NLGN4X: variants seen among roughly 807,000 people sequenced by gnomAD.
The protein encoded by NLGN4X is neuroligin 4 X-linked.
Under a neutral mutation model 40.3 loss-of-function variants are expected in NLGN4X, and 3 were observed. The ratio of observed to expected loss-of-function variants is 0.07; its 90% confidence interval spans 0.03 to 0.19. The LOEUF is 0.19. Ranked by LOEUF, NLGN4X falls within the 10% of genes least tolerant of loss-of-function variation. NLGN4X has a pLI of 1.00. For synonymous variants in NLGN4X, 270 were observed against 306.8 expected (o/e 0.88, Z 1.25); for missense variants, 382 against 708.3 (o/e 0.54, Z 5.23).
rs749574818 is a variant in NLGN4X, at chrX:6,225,689, C to CTTTTTTTTTTTTTTT, written c.-306+2837_-306+2851dup. Among the ~76,000 whole-genome samples, 111 of 26,901 alleles carry CTTTTTTTTTTTTTTT rather than the reference C, an allele frequency of 4.1e-3. 8 individuals are homozygous for CTTTTTTTTTTTTTTT. Among genetic ancestry groups the CTTTTTTTTTTTTTTT allele is most frequent in the East Asian group, 8.0e-3 (7 of 878 alleles). 23.4% of individuals were successfully genotyped at this position (26,901 alleles called of 115,157 possible). On this transcript the variant is annotated intron_variant, in intron 1 of 5. Coordinates refer to ENST00000381095, the MANE Select transcript of NLGN4X (RefSeq NM_181332.3). ...TTTCCTTTTTTTTCTTTCTTTTTTT[C>CTTTTTTTTTTTTTTT]TTTTTTTTTTTTTTTTTTTTTTTTT...
chrX:5,908,930 T>C (rs181096679), intron 4 of NLGN4X, 124 bp downstream of exon 4: 87 of 748,207 alleles, frequency 1.2e-4, no homozygotes, highest in Admixed American at 4.8e-4. Flanking sequence ...ATTTGATCTT[T>C]TGGGCATTTT....
At chrX:6,132,538 A>G (rs186872144) in intron 2 of NLGN4X, among the ~76,000 whole-genome samples, 147 of 111,591 alleles carry the variant, frequency 1.3e-3, no homozygotes, top group African/African-American at 3.8e-3. Context: ...GTGACAACCA[A>G]CAATATCTCT....
At chrX:6,217,780 C>T (rs1925214167) in intron 1 of NLGN4X, among the ~76,000 whole-genome samples, 1 of 111,307 alleles carries the variant, frequency 9.0e-6, no homozygotes, top group African/African-American at 3.3e-5. Context: ...ACTTGTTACC[C>T]TTTCTCCCTG....
At chrX:5,940,268 C>T (rs985385074) in intron 3 of NLGN4X, among the ~76,000 whole-genome samples, 3 of 107,058 alleles carry the variant, frequency 2.8e-5, no homozygotes, top group Admixed American at 9.6e-5. Context: ...TATACTATCC[C>T]TTAAACCACT....
At chrX:6,036,326 T>C (rs192574591) in intron 2 of NLGN4X, among the ~76,000 whole-genome samples, 14 of 111,823 alleles carry the variant, frequency 1.3e-4, no homozygotes, top group African/African-American at 4.5e-4. Flanking sequence ...ATCCCAATTT[T>C]AAATTAATCT....
At chrX:6,071,986 T>A (rs947903836) in intron 2 of NLGN4X, among the ~76,000 whole-genome samples, 1 of 110,480 alleles carries the variant, frequency 9.1e-6, no homozygotes, top group Admixed American at 9.6e-5. Flanking sequence ...CCAAAAACAC[T>A]CCATAGGAAC....
At chrX:6,019,965 T>C (rs1352097373) in intron 3 of NLGN4X, among the ~76,000 whole-genome samples, 1 of 112,495 alleles carries the variant, frequency 8.9e-6, no homozygotes, top group African/African-American at 3.2e-5. Flanking sequence ...GTGATTTCTG[T>C]TTGAATATTT....
At chrX:5,948,164 G>T (rs1434406274) in intron 3 of NLGN4X, among the ~76,000 whole-genome samples, 1 of 111,764 alleles carries the variant, frequency 8.9e-6, no homozygotes, top group Non-Finnish European at 1.9e-5. Flanking sequence ...CAAACTGTGT[G>T]TTTTATAATT....
intron 3 of NLGN4X, among the ~76,000 whole-genome samples, chrX:5,986,503 GAA>G (rs752982435): frequency 3.6e-5 from 4 of 111,637 alleles, no homozygotes; most frequent in Non-Finnish European, 5.6e-5. Flanking sequence ...CTCTTGGTAG[GAA>G]AAGATATCCT....
At chrX:6,068,126 G>A (rs1461538650) in intron 2 of NLGN4X, among the ~76,000 whole-genome samples, 2 of 111,733 alleles carry the variant, frequency 1.8e-5, no homozygotes, top group African/African-American at 6.5e-5. Flanking sequence ...GGATTCTAAA[G>A]CCCAAACTGA....
At chrX:5,918,123 T>C (rs186135982) in intron 3 of NLGN4X, among the ~76,000 whole-genome samples, 3 of 111,365 alleles carry the variant, frequency 2.7e-5, no homozygotes. Context: ...TCAGTGCATT[T>C]CCATAGATAT....
chrX:6,068,210 G>A (rs937620275), intron 2 of NLGN4X, among the ~76,000 whole-genome samples: 4 of 111,507 alleles, frequency 3.6e-5, no homozygotes, highest in African/African-American at 9.8e-5. Context: ...ACAGCTTAGT[G>A]ATTCAACAGT....
intron 2 of NLGN4X, among the ~76,000 whole-genome samples, chrX:6,088,599 C>T (rs1397124830): frequency 9.0e-6 from 1 of 111,619 alleles, no homozygotes; most frequent in Non-Finnish European, 1.9e-5. Context: ...TATTAGGTTA[C>T]TAAAGGGGGG....
intron 1 of NLGN4X, among the ~76,000 whole-genome samples, chrX:6,177,053 G>C (rs2147790282): frequency 8.9e-6 from 1 of 112,312 alleles, no homozygotes; most frequent in South Asian, 3.7e-4. Flanking sequence ...GAGTGACAAA[G>C]TAAAAGGGAA....
intron 3 of NLGN4X, among the ~76,000 whole-genome samples, chrX:5,943,018 G>A (rs766706270): frequency 2.7e-5 from 3 of 111,747 alleles, no homozygotes; most frequent in Admixed American, 9.5e-5. Context: ...AAGATAAGCT[G>A]ATTATCCTAG....
intron 1 of NLGN4X, among the ~76,000 whole-genome samples, chrX:6,200,687 C>CTTTTTTTTTTTCT (rs1556005144): frequency 0.27 from 15,163 of 55,603 alleles, 2,779 homozygotes; most frequent in African/African-American, 0.38. Context: ...CTTTCCTTTT[C>CTTTTTTTTTTTCT]TTTTTTTTTT....
At chrX:5,974,218 A>T (rs2035109586) in intron 3 of NLGN4X, among the ~76,000 whole-genome samples, 1 of 112,314 alleles carries the variant, frequency 8.9e-6, no homozygotes, top group South Asian at 3.7e-4. Context: ...TGGATTTTTT[A>T]AACCACATGC....
rs1387135032 is a variant in NLGN4X, at chrX:6,120,966, C to G, written c.472+30029G>C. On this transcript the variant is annotated intron_variant, in intron 2 of 5. Coordinates refer to ENST00000381095, the MANE Select transcript of NLGN4X (RefSeq NM_181332.3). Reference sequence around the variant, plus strand: ...CTAAATAACATCTACCATGACAGCACTTAGTCAACAAGTCAAGGTGCTGTA... The same window carrying G: ...CTAAATAACATCTACCATGACAGCAGTTAGTCAACAAGTCAAGGTGCTGTA... Among the ~76,000 whole-genome samples, 4 of 112,051 alleles carry G rather than the reference C, an allele frequency of 3.6e-5. No individual in the cohort carries two copies. The Admixed American group carries it at 3.8e-4, about 11-fold the overall frequency.
At chrX:5,960,788 C>A (rs2034634306) in intron 3 of NLGN4X, among the ~76,000 whole-genome samples, 1 of 111,125 alleles carries the variant, frequency 9.0e-6, no homozygotes, top group African/African-American at 3.3e-5. Flanking sequence ...AAAGTAGTTC[C>A]TTATTCTTCT....
Sources: gnomAD v4.1 joint callset for allele counts (sites outside exome capture counted in the v4.1 genomes callset) on GRCh38, gnomAD v4.1.1 for gene constraint, MANE v1.5 for transcripts, NCBI Gene and HGNC (gene_info 2026-07-23, HGNC 2026-07-21) for gene names.